Variants in CSF2RA observed in about 807,000 individuals in gnomAD.
CSF2RA encodes colony stimulating factor 2 receptor subunit alpha, also known as granulocyte-macrophage colony-stimulating factor receptor subunit alpha.
CSF2RA carries 42 observed loss-of-function variants against 51.6 expected under a neutral mutation model. The observed-to-expected ratio is 0.81, with a 90% CI of 0.64 to 1.05. The LOEUF is 1.05. CSF2RA is among the 50% of genes least tolerant of loss of function. The pLI, the probability that CSF2RA is intolerant of heterozygous loss-of-function variation, is 0.00. For synonymous variants in CSF2RA, 222 were observed against 193.0 expected (o/e 1.15, Z -1.24); for missense variants, 530 against 501.1 (o/e 1.06, Z -0.55).
chrX:1,320,989 G>A, the CSF2RA span, among the ~76,000 whole-genome samples: 3 of 151,872 alleles, frequency 2.0e-5, no homozygotes, highest in South Asian at 2.1e-4. Flanking sequence ...ACAGGCAGAC[G>A]CCACCACGTC....
Position 1,282,725 on chromosome X carries a change from C to T in CSF2RA, c.22C>T (p.Leu8Phe), listed in dbSNP as rs377301627. Residue 8 changes from leucine (L) to phenylalanine (F), a missense_variant, in exon 3 of 13, where the codon CTT becomes TTT. By Grantham distance (22) the Leu-to-Phe change is conservative. Transcript: ENST00000381529. ...CACCATGCTTCTCCTGGTGACAAGC[C>T]TTCTGCTCTGTGAGTTACCACACCC... MLLLVTS[L>F]LLCELPHPAF... is the part of the protein sequence containing the mutation. The T allele has an allele frequency of 1.9e-5, 31 of 1,613,728 alleles. No individual in the cohort carries two copies. In the East Asian group the frequency reaches 6.5e-4, roughly 34 times the overall value.
At chrX:1,315,532 T>G in the CSF2RA span, among the ~76,000 whole-genome samples, 1 of 152,018 alleles carries the variant, frequency 6.6e-6, no homozygotes, top group African/African-American at 2.4e-5. Context: ...GCCTCTTGAG[T>G]AGCTGAGATT....
At position 1,309,517 on chromosome X, in the gene CSF2RA, C is replaced by A. The variant is rs1231753425; in HGVS notation, c.*38C>A. 1.2e-6 allele frequency: 2 copies of A among 1,613,982 alleles called. No homozygotes were observed. Among genetic ancestry groups the A allele is most frequent in the African/African-American group, 2.7e-5 (2 of 75,048 alleles). On this transcript the variant is annotated 3_prime_UTR_variant, in exon 13 of 13. Coordinates refer to ENST00000381529, the MANE Select transcript of CSF2RA (RefSeq NM_172245.4). The stretch of plus-strand genomic sequence containing the variant: ...GTAGGAATGGCATGGACATCTCCGC[C>A]TCCGCGACACGGGGGAACTGTTTTC...
chrX:1,288,076 G>C (rs1323548956), intron 4 of CSF2RA, among the ~76,000 whole-genome samples: 1 of 151,742 alleles, frequency 6.6e-6, no homozygotes, highest in East Asian at 1.9e-4. Context: ...GTATAAGATT[G>C]AGTTTTCACC....
At chrX:1,303,072 T>C (rs1461358312) in intron 10 of CSF2RA, among the ~76,000 whole-genome samples, 39 of 143,368 alleles carry the variant, frequency 2.7e-4, no homozygotes, top group African/African-American at 9.7e-4. Flanking sequence ...TATTTATTTA[T>C]TTTGAGATGG....
At chrX:1,298,617 ACCCCTACACTCTCCTACCC>A (rs2092150191) in intron 9 of CSF2RA, among the ~76,000 whole-genome samples, 1 of 76,526 alleles carries the variant, frequency 1.3e-5, no homozygotes, top group African/African-American at 5.3e-5. Flanking sequence ...CCTACTCACG[ACCCCTACACTCTCCTACCC>A]ATGACCCCTG....
intron 7 of CSF2RA, 91 bp downstream of exon 7, chrX:1,290,600 C>T: frequency 1.5e-6 from 2 of 1,291,814 alleles, no homozygotes; most frequent in South Asian, 2.4e-5. Flanking sequence ...TGCGGTGTCT[C>T]ACACCTGTAA....
chrX:1,290,206 T>G, intron 6 of CSF2RA, 131 bp from the exon 7 acceptor site: 1 of 753,758 alleles, frequency 1.3e-6, no homozygotes, highest in Non-Finnish European at 2.2e-6. Flanking sequence ...TTTTTTGTTT[T>G]GTGTTTTTGT....
chrX:1,290,203 T>G, intron 6 of CSF2RA, 134 bp from the exon 7 acceptor site: 1 of 734,020 alleles, frequency 1.4e-6, no homozygotes, highest in Non-Finnish European at 2.3e-6. Flanking sequence ...GTTTTTTTTG[T>G]TTTGTGTTTT....
intron 4 of CSF2RA, chrX:1,287,153 T>C (rs1452681509): frequency 1.3e-5 from 2 of 148,766 alleles, no homozygotes; most frequent in East Asian, 1.9e-4. Flanking sequence ...CATACTTTTT[T>C]TTTTTTTTTT....
intron 7 of CSF2RA, 56 bp from the exon 8 acceptor site, chrX:1,294,272 C>T: frequency 3.7e-6 from 6 of 1,609,016 alleles, no homozygotes; most frequent in South Asian, 3.3e-5. Flanking sequence ...TCCACCTGGA[C>T]CCAGTGTAGA....
chrX:1,297,812 C>T (rs375266057), intron 9 of CSF2RA, among the ~76,000 whole-genome samples: 87 of 129,280 alleles, frequency 6.7e-4, no homozygotes, highest in African/African-American at 2.0e-3. Context: ...ACCCATGACC[C>T]CTGGTGGAAC....
At chrX:1,305,832 G>C in intron 12 of CSF2RA, 1 of 1,524,994 alleles carries the variant, frequency 6.6e-7, no homozygotes, top group East Asian at 2.5e-5. Flanking sequence ...TGTCATCCCA[G>C]CACTTTGGGA....
At chrX:1,319,187 G>T in the CSF2RA span, among the ~76,000 whole-genome samples, 1 of 149,198 alleles carries the variant, frequency 6.7e-6, no homozygotes, top group Non-Finnish European at 1.5e-5. Flanking sequence ...GTAAAGACAG[G>T]GTTTCACCAT....
chrX:1,310,659 C>T (rs1490798453), downstream of CSF2RA, among the ~76,000 whole-genome samples: 3 of 130,104 alleles, frequency 2.3e-5, no homozygotes, highest in South Asian at 3.0e-4. Flanking sequence ...CATAGCGAGA[C>T]TCCATCTCAA....
chrX:1,298,705 T>C (rs188953226), intron 9 of CSF2RA, among the ~76,000 whole-genome samples: 11 of 25,600 alleles, frequency 4.3e-4, no homozygotes, highest in Middle Eastern at 0.033. Flanking sequence ...TGACCTCTGG[T>C]GGAACCCTAC....
chrX:1,296,200 G>T (rs376831228), intron 9 of CSF2RA, among the ~76,000 whole-genome samples: 2 of 147,690 alleles, frequency 1.4e-5, no homozygotes, highest in East Asian at 4.1e-4. Flanking sequence ...TAACCATACA[G>T]TTCCCTATCC....
At position 1,290,409 on chromosome X, in the gene CSF2RA, C is replaced by T; in HGVS notation, c.546C>T (p.Asn182=). ...SGTHVGCHLD[N]LSGLTSRNYF... is the part of the protein sequence containing the mutation. ...CCCATGTGGGATGTCACCTGGATAA[C>T]CTGTCAGGATTAACGTCTCGCAATT... The change falls in exon 7 of 13, where the codon AAC becomes AAT. Residue 182 remains asparagine (N), a synonymous_variant. Coordinates refer to ENST00000381529, the MANE Select transcript of CSF2RA (RefSeq NM_172245.4). The T allele has an allele frequency of 6.2e-7, 1 of 1,613,600 alleles. No homozygotes were observed. Among genetic ancestry groups the T allele is most frequent in the Non-Finnish European group, 8.5e-7 (1 of 1,179,622 alleles).
chrX:1,288,688 A>AC (rs1231224885), intron 5 of CSF2RA, 46 bp downstream of exon 5: 1 of 1,613,442 alleles, frequency 6.2e-7, no homozygotes, highest in Non-Finnish European at 8.5e-7. Context: ...TGGCCCCACC[A>AC]CCCCGCCAGC....
Sources: gnomAD v4.1 joint callset for allele counts (sites outside exome capture counted in the v4.1 genomes callset) on GRCh38, gnomAD v4.1.1 for gene constraint, MANE v1.5 for transcripts, NCBI Gene and HGNC (gene_info 2026-07-23, HGNC 2026-07-21) for gene names.